The following MIPOL1 variants were observed in gnomAD, a reference collection of about 807,000 sequenced individuals.
MIPOL1 encodes mirror-image polydactyly 1.
A neutral mutation model predicts 60.9 loss-of-function variants in MIPOL1; 57 were observed. That is an observed-to-expected ratio of 0.94 (90% CI 0.76 to 1.17). MIPOL1 has a LOEUF of 1.17. MIPOL1 is among the 50% of genes most tolerant of loss of function. MIPOL1 has a pLI of 0.00. For missense variants in MIPOL1, 551 were observed against 511.6 expected, an observed-to-expected ratio of 1.08 and a Z score of -0.74; for synonymous variants, 179 against 168.8, an observed-to-expected ratio of 1.06 and a Z score of -0.47.
At chr14:37,399,846 A>G (rs1371484999) in intron 10 of MIPOL1, 5 of 152,102 alleles carry the variant, frequency 3.3e-5, no homozygotes, top group Non-Finnish European at 5.9e-5. Context: ...TTTTTGTACC[A>G]CCATATGGAT....
chr14:37,492,259 A>G (rs1430065832), intron 11 of MIPOL1, among the ~76,000 whole-genome samples: 4 of 152,180 alleles, frequency 2.6e-5, no homozygotes, highest in Admixed American at 6.6e-5. Context: ...ATACTTCTAC[A>G]TTTCATATTT....
intron 12 of MIPOL1, among the ~76,000 whole-genome samples, chr14:37,527,328 A>T (rs2095454178): frequency 6.6e-6 from 1 of 151,874 alleles, no homozygotes; most frequent in Admixed American, 6.6e-5. Flanking sequence ...TGCTTATTTG[A>T]GGTTATTATT....
At chr14:37,343,193 T>A (rs2090704140) in intron 9 of MIPOL1, among the ~76,000 whole-genome samples, 1 of 151,986 alleles carries the variant, frequency 6.6e-6, no homozygotes, top group Non-Finnish European at 1.5e-5. Context: ...CACTTAATTT[T>A]TGGTATTTGT....
At chr14:37,537,398 T>C (rs1309077310) in intron 12 of MIPOL1, among the ~76,000 whole-genome samples, 1 of 152,146 alleles carries the variant, frequency 6.6e-6, no homozygotes, top group East Asian at 1.9e-4. Flanking sequence ...CCTGCTAGTG[T>C]CAATTTTTTT....
At chr14:37,322,829 T>G (rs1377107103) in intron 9 of MIPOL1, among the ~76,000 whole-genome samples, 1 of 151,954 alleles carries the variant, frequency 6.6e-6, no homozygotes, top group Non-Finnish European at 1.5e-5. Flanking sequence ...GGGTTGTTTG[T>G]TTTTTCTTGT....
Position 37,338,320 on chromosome 14 carries a change from C to T in MIPOL1, c.828+29801C>T, listed in dbSNP as rs376451431. On this transcript the variant is annotated intron_variant, in intron 9 of 12. Coordinates refer to ENST00000684589, the MANE Select transcript of MIPOL1 (RefSeq NM_001388067.1). The stretch of plus-strand genomic sequence containing the variant: ...ACAGACCAGGTTTCACCATGTTAGC[C>T]AGGATGGTCTCGATCTCCTGACCTC... Among the ~76,000 whole-genome samples, 7 of 150,958 alleles carry T rather than the reference C, an allele frequency of 4.6e-5. No individual in the cohort carries two copies. The East Asian group carries it at 6.0e-4, about 13-fold the overall frequency.
chr14:37,498,406 T>TTTTC (rs996426769), intron 11 of MIPOL1, among the ~76,000 whole-genome samples: 8 of 152,144 alleles, frequency 5.3e-5, no homozygotes, highest in Non-Finnish European at 4.4e-5. Flanking sequence ...TTGTTTCTTC[T>TTTTC]TTTCTTTCTT....
intron 9 of MIPOL1, among the ~76,000 whole-genome samples, chr14:37,319,895 C>T (rs1339734184): frequency 6.6e-6 from 1 of 152,042 alleles, no homozygotes; most frequent in Non-Finnish European, 1.5e-5. Flanking sequence ...TAAAAGGAGT[C>T]ATATGTTATA....
chr14:37,340,341 T>C (rs1035917805), intron 9 of MIPOL1, among the ~76,000 whole-genome samples: 4 of 152,240 alleles, frequency 2.6e-5, no homozygotes, highest in Admixed American at 6.5e-5. Flanking sequence ...TGTACATTTG[T>C]ACAATGTGTT....
intron 1 of MIPOL1, chr14:37,227,905 A>T (rs1970001009): frequency 6.6e-6 from 1 of 152,202 alleles, no homozygotes; most frequent in African/African-American, 2.4e-5. Flanking sequence ...AAGTGACCAA[A>T]ATATAAATAA....
At chr14:37,460,951 A>C (rs935585991) in intron 11 of MIPOL1, among the ~76,000 whole-genome samples, 1 of 152,222 alleles carries the variant, frequency 6.6e-6, no homozygotes, top group Non-Finnish European at 1.5e-5. Flanking sequence ...CAGATTCAAC[A>C]TAATTCCTAT....
intron 9 of MIPOL1, among the ~76,000 whole-genome samples, chr14:37,346,671 T>TATAAGAGC (rs1180016744): frequency 6.6e-6 from 1 of 152,116 alleles, no homozygotes; most frequent in Non-Finnish European, 1.5e-5. Flanking sequence ...TAAATAGTGA[T>TATAAGAGC]ATAAGAGCAG....
At chr14:37,437,106 T>C (rs1253889576) in intron 11 of MIPOL1, among the ~76,000 whole-genome samples, 2 of 152,190 alleles carry the variant, frequency 1.3e-5, no homozygotes, top group Non-Finnish European at 2.9e-5. Flanking sequence ...TAAATGTTGT[T>C]GTACAGTATG....
chr14:37,366,295 A>G (rs536490114), intron 9 of MIPOL1, among the ~76,000 whole-genome samples: 9 of 152,068 alleles, frequency 5.9e-5, no homozygotes, highest in Admixed American at 2.6e-4. Context: ...TCTTACCGCT[A>G]TAAACTTCCC....
At chr14:37,433,816 A>T (rs913251520) in intron 11 of MIPOL1, among the ~76,000 whole-genome samples, 1 of 152,088 alleles carries the variant, frequency 6.6e-6, no homozygotes, top group Non-Finnish European at 1.5e-5. Flanking sequence ...TCGGCCTCCC[A>T]AAGTGCCAGG....
intron 12 of MIPOL1, among the ~76,000 whole-genome samples, chr14:37,515,664 A>G (rs2095363901): frequency 6.6e-6 from 1 of 152,218 alleles, no homozygotes; most frequent in Admixed American, 6.5e-5. Context: ...CTGCCTTCTT[A>G]GCTAAGTTAT....
chr14:37,247,054 A>G (rs575854191), intron 1 of MIPOL1, 49 bp from the exon 2 acceptor site: 1 of 152,622 alleles, frequency 6.6e-6, no homozygotes, highest in South Asian at 2.1e-4. Flanking sequence ...AAATGGCTTC[A>G]TTGACTGGAA....
At chr14:37,504,909 G>T (rs2095260621) in intron 12 of MIPOL1, 1 of 152,128 alleles carries the variant, frequency 6.6e-6, no homozygotes, top group Non-Finnish European at 1.5e-5. Flanking sequence ...AATAAAAAAT[G>T]ACAAAGGGGA....
At chr14:37,340,105 T>C (rs906549261) in intron 9 of MIPOL1, among the ~76,000 whole-genome samples, 3 of 152,196 alleles carry the variant, frequency 2.0e-5, no homozygotes, top group African/African-American at 7.2e-5. Context: ...CTCTGGTTTG[T>C]GTGCTTTCTT....
Sources: gnomAD v4.1 joint callset for allele counts (sites outside exome capture counted in the v4.1 genomes callset) on GRCh38, gnomAD v4.1.1 for gene constraint, MANE v1.5 for transcripts, NCBI Gene and HGNC (gene_info 2026-07-23, HGNC 2026-07-21) for gene names.